Variants in UGT1A3 observed in about 807,000 individuals in gnomAD.
UGT1A3 encodes the protein UDP glucuronosyltransferase family 1 member A3.
Under a neutral mutation model 41.0 loss-of-function variants are expected in UGT1A3, and 31 were observed. The observed-to-expected ratio is 0.76, with a 90% CI of 0.57 to 1.02. The LOEUF (loss-of-function observed/expected upper bound fraction) is 1.02, where lower values mean the gene tolerates loss of function less well. UGT1A3 is among the 50% of genes least tolerant of loss of function. UGT1A3 has a pLI of 0.00. For synonymous variants in UGT1A3, 262 were observed against 257.6 expected, an observed-to-expected ratio of 1.02 and a Z score of -0.17; for missense variants, 737 against 671.0, an observed-to-expected ratio of 1.10 and a Z score of -1.09.
At chr2:233,737,526 G>C (rs574961545) in intron 1 of UGT1A3, among the ~76,000 whole-genome samples, 8 of 152,286 alleles carry the variant, frequency 5.3e-5, no homozygotes, top group African/African-American at 1.9e-4. Context: ...GTGAGGCGAC[G>C]CCCTGCCCTG....
chr2:233,761,556 C>T (rs1005029875), intron 1 of UGT1A3, among the ~76,000 whole-genome samples: 3 of 152,166 alleles, frequency 2.0e-5, no homozygotes, highest in African/African-American at 7.2e-5. Flanking sequence ...GATGATAGAT[C>T]CTGGAAATGA....
chr2:233,760,801 T>G (rs1365770885), intron 1 of UGT1A3: 2 of 1,613,398 alleles, frequency 1.2e-6, no homozygotes, highest in South Asian at 1.1e-5. Context: ...TGTATTCTTC[T>G]TGCATGCACT....
chr2:233,762,377 A>G (rs182919265), intron 1 of UGT1A3, among the ~76,000 whole-genome samples: 1 of 152,252 alleles, frequency 6.6e-6, no homozygotes, highest in African/African-American at 2.4e-5. Context: ...ACCAATATGT[A>G]TATAGAAACA....
At chr2:233,751,873 T>C (rs1694839350) in intron 1 of UGT1A3, among the ~76,000 whole-genome samples, 1 of 152,168 alleles carries the variant, frequency 6.6e-6, no homozygotes, top group African/African-American at 2.4e-5. Flanking sequence ...AATTACCCCG[T>C]CTTGGGTATG....
At chr2:233,733,885 A>AGCTCCTG (rs2078449357) in intron 1 of UGT1A3, among the ~76,000 whole-genome samples, 1 of 152,018 alleles carries the variant, frequency 6.6e-6, no homozygotes, top group Non-Finnish European at 1.5e-5. Flanking sequence ...GAATGGTACC[A>AGCTCCTG]GCTCCTGTTT....
rs1434418426 is a variant in UGT1A3 at position 233,747,592 on chromosome 2, C to T, written c.867+17599C>T. On this transcript the variant is annotated intron_variant, in intron 1 of 4. Coordinates refer to ENST00000482026, the MANE Select transcript of UGT1A3 (RefSeq NM_019093.4). Reference sequence around the variant, plus strand: ...AATTCATCTTTGGTCTTTCATAGGTCTTGTGTGGAGCTACTGCATAATGAG... The same window carrying T: ...AATTCATCTTTGGTCTTTCATAGGTTTTGTGTGGAGCTACTGCATAATGAG... The T allele has an allele frequency of 5.7e-6, 9 of 1,575,532 alleles. No individual in the cohort carries two copies. The South Asian group carries it at 8.9e-5, about 16-fold the overall frequency.
chr2:233,747,886 A>G, intron 1 of UGT1A3: 2 of 1,613,554 alleles, frequency 1.2e-6, no homozygotes, highest in South Asian at 1.1e-5. Flanking sequence ...TACCTTTGCC[A>G]TGCTCTTTCT....
chr2:233,758,119 CATAAAT>C (rs775438808), intron 1 of UGT1A3, among the ~76,000 whole-genome samples: 2 of 152,188 alleles, frequency 1.3e-5, no homozygotes, highest in Admixed American at 6.5e-5. Flanking sequence ...TCACACGTTC[CATAAAT>C]ATTTGGCAGA....
chr2:233,739,091 C>T (rs1027086038), intron 1 of UGT1A3: 13 of 152,212 alleles, frequency 8.5e-5, no homozygotes, highest in Admixed American at 1.3e-4. Flanking sequence ...TTGGCAGCAT[C>T]GATGTGGTGT....
intron 1 of UGT1A3, among the ~76,000 whole-genome samples, chr2:233,764,487 A>G (rs115581914): frequency 4.6e-5 from 7 of 152,316 alleles, no homozygotes; most frequent in African/African-American, 1.4e-4. Context: ...TCGAATGTTT[A>G]TGGACCTGTG....
chr2:233,729,081 G>A lies in UGT1A3; in HGVS notation c.-46G>A, dbSNP rs376039648. 312 of 1,612,238 alleles carry A rather than the reference G, an allele frequency of 1.9e-4. No individual in the cohort carries two copies. The African/African-American group carries it at 3.8e-3, about 20-fold the overall frequency. On this transcript the variant is annotated 5_prime_UTR_variant, in exon 1 of 5. Coordinates refer to ENST00000482026, the MANE Select transcript of UGT1A3 (RefSeq NM_019093.4). ...TAAGATGAAGAAAGCAAATGTAGCAGGCACAGCGTGGGGTGGACAGTCAGC... is the reference window on the plus strand; with the variant it reads ...TAAGATGAAGAAAGCAAATGTAGCAAGCACAGCGTGGGGTGGACAGTCAGC...
intron 1 of UGT1A3, chr2:233,747,734 G>A: frequency 6.2e-7 from 1 of 1,613,288 alleles, no homozygotes; most frequent in Middle Eastern, 1.7e-4. Context: ...TTTTTTTGAG[G>A]AACATTCCAT....
At chr2:233,736,140 G>A (rs1255229589) in intron 1 of UGT1A3, among the ~76,000 whole-genome samples, 1 of 152,150 alleles carries the variant, frequency 6.6e-6, no homozygotes, top group Non-Finnish European at 1.5e-5. Flanking sequence ...ATCACTTTCA[G>A]GTACACCAGT....
rs1392569558 is a variant in UGT1A3 at position 233,757,114 on chromosome 2, G to T, written c.868-9920G>T. ...GCAGAGGGAGGGGGCAAGCAGAAGG[G>T]CTAGAGAGGAGGAATGAGCTTGGAC... On this transcript the variant is annotated intron_variant, in intron 1 of 4. Transcript: ENST00000482026. Among the ~76,000 whole-genome samples the T allele has an allele frequency of 7.3e-5, 11 of 151,392 alleles. No individual in the cohort carries two copies. In the South Asian group the frequency reaches 1.7e-3, roughly 23 times the overall value.
In UGT1A3 at chr2:233,740,213, C is replaced by G. The variant is rs984335401; in HGVS notation, c.867+10220C>G. On this transcript the variant is annotated intron_variant, in intron 1 of 4. Coordinates refer to ENST00000482026, the MANE Select transcript of UGT1A3 (RefSeq NM_019093.4). Reference sequence around the variant, plus strand: ...CTTTCTTTTATAAATTACCCAGTCTCAGCTGCGTCTTTATAGCAGGCTGAG... The same window carrying G: ...CTTTCTTTTATAAATTACCCAGTCTGAGCTGCGTCTTTATAGCAGGCTGAG... Among the ~76,000 whole-genome samples the G allele has an allele frequency of 9.6e-4, 146 of 151,922 alleles. 3 individuals are homozygous for G. Among genetic ancestry groups the G allele is most frequent in the African/African-American group, 3.4e-3 (142 of 41,200 alleles).
chr2:233,772,314 G>T lies in UGT1A3; in HGVS notation c.1360G>T (p.Glu454Ter). The T allele has an allele frequency of 6.2e-7, 1 of 1,614,222 alleles. No individual in the cohort carries two copies. The highest frequency in any genetic ancestry group is 8.5e-7 in the Non-Finnish European group (1 of 1,180,048). ...LSSLHKDRPV[E>*]PLDLAVFWVE... is the part of the protein sequence containing the mutation. Reference sequence around the variant, plus strand: ...CAGCCTTCACAAGGACCGCCCGGTGGAGCCGCTGGACCTGGCCGTGTTCTG... The same window carrying T: ...CAGCCTTCACAAGGACCGCCCGGTGTAGCCGCTGGACCTGGCCGTGTTCTG... Residue 454 changes from glutamate (E) to a stop codon, truncating the protein, a stop_gained, in exon 5 of 5, where the codon GAG (glutamate) becomes TAG (stop). Transcript: ENST00000482026. LOFTEE classifies it high-confidence loss of function.
chr2:233,750,583 G>C (rs1175695662), intron 1 of UGT1A3: 1 of 151,928 alleles, frequency 6.6e-6, no homozygotes, highest in Non-Finnish European at 1.5e-5. Context: ...TCACAGGCCT[G>C]GAGGCCTAGG....
intron 1 of UGT1A3, among the ~76,000 whole-genome samples, chr2:233,756,629 A>G (rs1696275606): frequency 6.6e-6 from 1 of 152,204 alleles, no homozygotes; most frequent in South Asian, 2.1e-4. Flanking sequence ...GGCCGTGTGT[A>G]TAGCACTGGG....
At chr2:233,768,876 G>A (rs747097900) in intron 4 of UGT1A3, among the ~76,000 whole-genome samples, 6 of 151,968 alleles carry the variant, frequency 3.9e-5, no homozygotes, top group Admixed American at 6.6e-5. Flanking sequence ...GAGCCAGCGC[G>A]TCTGACCTGG....
Sources: allele counts gnomAD v4.1 joint callset (sites outside exome capture counted in the v4.1 genomes callset), GRCh38; gene constraint gnomAD v4.1.1; transcripts MANE v1.5; gene names NCBI Gene and HGNC (gene_info 2026-07-23, HGNC 2026-07-21).